ZNF804A: variants seen among roughly 807,000 people sequenced by gnomAD.
ZNF804A encodes the protein zinc finger protein 804A.
A neutral mutation model predicts 16.5 loss-of-function variants in ZNF804A; 2 were observed. That is an observed-to-expected ratio of 0.12 (90% CI 0.05 to 0.38). The LOEUF (loss-of-function observed/expected upper bound fraction) is 0.38. ZNF804A is among the 10% of genes least tolerant of loss of function. ZNF804A has a pLI of 0.99. For missense variants in ZNF804A, 1,473 were observed against 1,390.7 expected (o/e 1.06, Z -0.94); for synonymous variants, 534 against 489.6 (o/e 1.09, Z -1.20).
At chr2:184,618,260 A>G (rs1055016172) in intron 1 of ZNF804A, among the ~76,000 whole-genome samples, 2 of 152,122 alleles carry the variant, frequency 1.3e-5, no homozygotes, top group Non-Finnish European at 2.9e-5. Flanking sequence ...TTTTTGGTAT[A>G]AACATCTGGA....
intron 1 of ZNF804A, among the ~76,000 whole-genome samples, chr2:184,669,054 T>A (rs1036059032): frequency 6.6e-6 from 1 of 151,920 alleles, no homozygotes; most frequent in Non-Finnish European, 1.5e-5. Context: ...TGAGGGAGCA[T>A]CCCTTTTGGT....
chr2:184,728,826 A>C (rs183695288), intron 1 of ZNF804A, among the ~76,000 whole-genome samples: 7 of 152,066 alleles, frequency 4.6e-5, no homozygotes, highest in African/African-American at 1.7e-4. Flanking sequence ...TATATACTAC[A>C]TTTTTTATAC....
At chr2:184,699,292 T>G (rs1692883502) in intron 1 of ZNF804A, among the ~76,000 whole-genome samples, 1 of 152,140 alleles carries the variant, frequency 6.6e-6, no homozygotes, top group Non-Finnish European at 1.5e-5. Flanking sequence ...CATTTAAACC[T>G]TTGTAAGAAT....
At chr2:184,831,186 T>C (rs56200326) in intron 1 of ZNF804A, among the ~76,000 whole-genome samples, 2,770 of 152,206 alleles carry the variant, frequency 0.018, 70 homozygotes, top group African/African-American at 0.062. Context: ...CGCTTTTATA[T>C]GTTATTAATA....
chr2:184,624,931 A>C (rs1374865246), intron 1 of ZNF804A, among the ~76,000 whole-genome samples: 1 of 152,132 alleles, frequency 6.6e-6, no homozygotes, highest in Non-Finnish European at 1.5e-5. Context: ...CTGCGTATTG[A>C]GTTCCAGTAT....
At chr2:184,827,077 T>C (rs574615811) in intron 1 of ZNF804A, among the ~76,000 whole-genome samples, 2 of 152,028 alleles carry the variant, frequency 1.3e-5, no homozygotes, top group East Asian at 1.9e-4. Context: ...TCTAAATATC[T>C]ATAAGCTGTT....
In ZNF804A at chr2:184,937,859, C is replaced by T; in HGVS notation, c.2463C>T (p.Pro821=). 4 of 1,614,062 alleles carry T rather than the reference C, an allele frequency of 2.5e-6. No individual in the cohort carries two copies. The highest frequency in any genetic ancestry group is 2.5e-6 in the Non-Finnish European group (3 of 1,180,004). The change falls in exon 4 of 4, where the codon CCC becomes CCT. Residue 821 remains proline (P), a synonymous_variant. Coordinates refer to ENST00000302277, the MANE Select transcript of ZNF804A (RefSeq NM_194250.2). ...KRRRKRGRFH[P]GFETLELKEN... ...GGCGAAAAAGAGGCAGATTCCACCC[C>T]GGATTTGAAACTTTAGAACTCAAAG... is the stretch of plus-strand genomic sequence containing the variant.
At chr2:184,925,703 T>C (rs1249323446) in intron 2 of ZNF804A, among the ~76,000 whole-genome samples, 1 of 151,932 alleles carries the variant, frequency 6.6e-6, no homozygotes, top group African/African-American at 2.4e-5. Flanking sequence ...ATTTGTTGTG[T>C]TTTAATTGTA....
At chr2:184,902,779 T>A (rs925557608) in intron 2 of ZNF804A, among the ~76,000 whole-genome samples, 1 of 152,310 alleles carries the variant, frequency 6.6e-6, no homozygotes, top group Non-Finnish European at 1.5e-5. Flanking sequence ...GTCACTGTTT[T>A]TGTAATAAGC....
intron 1 of ZNF804A, among the ~76,000 whole-genome samples, chr2:184,687,638 C>T (rs1692658975): frequency 6.6e-6 from 1 of 152,012 alleles, no homozygotes; most frequent in Non-Finnish European, 1.5e-5. Context: ...CATGTCATTG[C>T]TTAATGGTTA....
In ZNF804A at chr2:184,866,471, T is replaced by C. The variant is rs1292714289; in HGVS notation, c.214T>C (p.Phe72Leu). ...CAAGCAGTACTATAAGCACCAGGAG[T>C]TTGACAATCACATTAATTCATATGA... Reference protein sequence around the residue: ...CDKQYYKHQEFDNHINSYDHA... With the variant: ...CDKQYYKHQELDNHINSYDHA... The change falls in exon 2 of 4, where the codon TTT (phenylalanine) becomes CTT (leucine). Residue 72 changes from phenylalanine to leucine, a missense_variant. By Grantham distance (22) the Phe-to-Leu change is conservative. Transcript: ENST00000302277. 6.2e-7 allele frequency: 1 copy of C among 1,611,804 alleles called. No homozygotes were observed. The highest frequency in any genetic ancestry group is 8.5e-7 in the Non-Finnish European group (1 of 1,179,008).
intron 1 of ZNF804A, among the ~76,000 whole-genome samples, chr2:184,811,334 A>G (rs1694895846): frequency 6.6e-6 from 1 of 152,190 alleles, no homozygotes; most frequent in Non-Finnish European, 1.5e-5. Context: ...AAGTTGTTTC[A>G]TAGATAAAAC....
At chr2:184,638,840 C>G (rs1691745158) in intron 1 of ZNF804A, among the ~76,000 whole-genome samples, 1 of 152,114 alleles carries the variant, frequency 6.6e-6, no homozygotes, top group Admixed American at 6.6e-5. Context: ...TTTCCAAAGG[C>G]TACATGCTCA....
intron 1 of ZNF804A, among the ~76,000 whole-genome samples, chr2:184,712,989 G>T (rs758964310): frequency 6.6e-6 from 1 of 151,528 alleles, no homozygotes; most frequent in African/African-American, 2.4e-5. Context: ...TATATTGAGC[G>T]TTTATAAGGA....
intron 1 of ZNF804A, among the ~76,000 whole-genome samples, chr2:184,755,209 A>G (rs1432848365): frequency 6.6e-6 from 1 of 151,940 alleles, no homozygotes; most frequent in Non-Finnish European, 1.5e-5. Context: ...CCTGGGGAAT[A>G]TTAACTATAT....
intron 1 of ZNF804A, among the ~76,000 whole-genome samples, chr2:184,712,811 A>G (rs1436982039): frequency 6.6e-6 from 1 of 151,382 alleles, no homozygotes; most frequent in Admixed American, 6.6e-5. Context: ...TACACTAGGA[A>G]ATTTTTCAGT....
intron 1 of ZNF804A, among the ~76,000 whole-genome samples, chr2:184,644,674 A>G (rs1419315066): frequency 1.3e-5 from 2 of 152,036 alleles, no homozygotes; most frequent in Admixed American, 1.3e-4. Context: ...TGAAGATAAG[A>G]CACTCTTTCA....
At chr2:184,926,958 CTCTG>C (rs951263134) in intron 2 of ZNF804A, among the ~76,000 whole-genome samples, 48 of 152,174 alleles carry the variant, frequency 3.2e-4, no homozygotes, top group African/African-American at 1.1e-3. Context: ...ATTTTGAATT[CTCTG>C]TCTGAAGAGT....
intron 1 of ZNF804A, among the ~76,000 whole-genome samples, chr2:184,699,892 G>A (rs1692893125): frequency 6.6e-6 from 1 of 152,016 alleles, no homozygotes; most frequent in South Asian, 2.1e-4. Flanking sequence ...GAGCTATGCA[G>A]TTACTAAGTA....
Sources: gnomAD v4.1 joint callset for allele counts (sites outside exome capture counted in the v4.1 genomes callset) on GRCh38, gnomAD v4.1.1 for gene constraint, MANE v1.5 for transcripts, NCBI Gene and HGNC (gene_info 2026-07-23, HGNC 2026-07-21) for gene names.